Variants in MAPK4 observed in about 807,000 individuals in gnomAD.
The protein encoded by MAPK4 is mitogen-activated protein kinase 4, also known as Erk3-related.
Under a neutral mutation model 47.7 loss-of-function variants are expected in MAPK4, and 22 were observed. The ratio of observed to expected loss-of-function variants is 0.46; its 90% CI spans 0.33 to 0.66. The LOEUF (loss-of-function observed/expected upper bound fraction) is 0.66, where lower values mean the gene tolerates loss of function less well. Ranked by LOEUF, MAPK4 falls within the 30% of genes least tolerant of loss-of-function variation. The probability of loss-of-function intolerance (pLI) is 0.02; values close to 1 mark genes in which losing one functional copy is unlikely to be tolerated. For missense variants in MAPK4, 736 were observed against 831.7 expected, an observed-to-expected ratio of 0.88 and a Z score of 1.42; for synonymous variants, 390 against 365.7, an observed-to-expected ratio of 1.07 and a Z score of -0.76.
At chr18:50,582,756 GC>G (rs1316986694) in intron 1 of MAPK4, among the ~76,000 whole-genome samples, 1 of 152,232 alleles carries the variant, frequency 6.6e-6, no homozygotes, top group Admixed American at 6.5e-5. Flanking sequence ...TCAGCTCCTA[GC>G]TGGATTGAGC....
At chr18:50,593,530 G>A (rs1299357983) in intron 1 of MAPK4, among the ~76,000 whole-genome samples, 4 of 152,182 alleles carry the variant, frequency 2.6e-5, no homozygotes, top group Non-Finnish European at 4.4e-5. Flanking sequence ...GAAGTGGAAC[G>A]AATCCTAAAC....
At chr18:50,685,416 T>C (rs555626610) in intron 2 of MAPK4, among the ~76,000 whole-genome samples, 16 of 152,328 alleles carry the variant, frequency 1.1e-4, no homozygotes, top group Admixed American at 5.2e-4. Flanking sequence ...GATCCTGCAG[T>C]TCCCTTTAAG....
chr18:50,599,755 A>G (rs1023527997), intron 1 of MAPK4, among the ~76,000 whole-genome samples: 1 of 152,168 alleles, frequency 6.6e-6, no homozygotes, highest in Non-Finnish European at 1.5e-5. Context: ...TAATAATTAG[A>G]TACTATAAAT....
chr18:50,575,888 A>G (rs1460394515), intron 1 of MAPK4, among the ~76,000 whole-genome samples: 1 of 152,152 alleles, frequency 6.6e-6, no homozygotes, highest in African/African-American at 2.4e-5. Flanking sequence ...CAAGCATATG[A>G]AAAAAATGCC....
chr18:50,612,964 T>C (rs147734032), intron 1 of MAPK4, among the ~76,000 whole-genome samples: 4 of 152,264 alleles, frequency 2.6e-5, no homozygotes, highest in Non-Finnish European at 5.9e-5. Context: ...CCTGGATGAA[T>C]CTCTGAAAAT....
chr18:50,645,037 G>A (rs1568059698), intron 1 of MAPK4, among the ~76,000 whole-genome samples: 1 of 152,194 alleles, frequency 6.6e-6, no homozygotes, highest in South Asian at 2.1e-4. Context: ...GGAAGGTGAG[G>A]GAGAGCAGAA....
At chr18:50,590,397 A>T (rs1364339488) in intron 1 of MAPK4, among the ~76,000 whole-genome samples, 1 of 152,190 alleles carries the variant, frequency 6.6e-6, no homozygotes, top group Non-Finnish European at 1.5e-5. Flanking sequence ...ATTTGAGCTC[A>T]TTCACTCCTG....
At chr18:50,721,893 AG>A (rs778983651) in intron 3 of MAPK4, 44 bp from the exon 4 acceptor site, 1 of 1,607,546 alleles carries the variant, frequency 6.2e-7, no homozygotes, top group Non-Finnish European at 8.5e-7. Flanking sequence ...TGCACACCAC[AG>A]CCCCTTGGAC....
chr18:50,610,722 AT>A (rs2042625467), intron 1 of MAPK4, among the ~76,000 whole-genome samples: 1 of 152,180 alleles, frequency 6.6e-6, no homozygotes, highest in Non-Finnish European at 1.5e-5. Flanking sequence ...TGATAAAACG[AT>A]GAGACTGAAC....
At chr18:50,562,999 C>G (rs1263125228) in intron 1 of MAPK4, among the ~76,000 whole-genome samples, 2 of 152,134 alleles carry the variant, frequency 1.3e-5, no homozygotes, top group African/African-American at 4.8e-5. Flanking sequence ...ATGGCTTTAT[C>G]CCAGCTTCTT....
At chr18:50,563,315 G>A (rs893789870) in intron 1 of MAPK4, among the ~76,000 whole-genome samples, 7 of 152,198 alleles carry the variant, frequency 4.6e-5, no homozygotes, top group Admixed American at 2.0e-4. Flanking sequence ...GGGAAATAGC[G>A]TTGGCAAAGG....
intron 4 of MAPK4, among the ~76,000 whole-genome samples, chr18:50,723,192 G>C (rs1030747202): frequency 4.6e-5 from 7 of 152,208 alleles, no homozygotes; most frequent in Non-Finnish European, 1.0e-4. Flanking sequence ...CGGGACCCAG[G>C]CCATCAGGTC....
rs559815389 is a variant in MAPK4 at position 50,672,630 on chromosome 18, C to T, written c.546+8126C>T. 9.9e-5 allele frequency among the ~76,000 whole-genome samples: 15 copies of T among 152,206 alleles called. No homozygotes were observed. The East Asian group carries it at 1.7e-3, about 18-fold the overall frequency. ...GAACACCACACCCAGGCCACCCTTCCGGGAAGCAACCCCACTGAGCTTGGG... is the reference window on the plus strand; with the variant it reads ...GAACACCACACCCAGGCCACCCTTCTGGGAAGCAACCCCACTGAGCTTGGG... On this transcript the variant is annotated intron_variant, in intron 2 of 5. Transcript: ENST00000400384.
intron 1 of MAPK4, among the ~76,000 whole-genome samples, chr18:50,656,505 TAAC>T (rs752765041): frequency 1.3e-5 from 2 of 152,200 alleles, no homozygotes; most frequent in Non-Finnish European, 2.9e-5. Flanking sequence ...AGGCTCTTTA[TAAC>T]ATGATCTCAG....
intron 1 of MAPK4, among the ~76,000 whole-genome samples, chr18:50,642,224 C>T (rs976247738): frequency 2.0e-5 from 3 of 152,140 alleles, no homozygotes; most frequent in Non-Finnish European, 2.9e-5. Context: ...CGCAGTTTAG[C>T]TGCTGTTTGC....
At chr18:50,640,782 A>G (rs1211261576) in intron 1 of MAPK4, among the ~76,000 whole-genome samples, 1 of 151,958 alleles carries the variant, frequency 6.6e-6, no homozygotes, top group African/African-American at 2.4e-5. Flanking sequence ...GGCTATTTTC[A>G]TCTTTCATCC....
chr18:50,709,099 C>A (rs1445619976), intron 2 of MAPK4, among the ~76,000 whole-genome samples: 3 of 152,168 alleles, frequency 2.0e-5, no homozygotes, highest in Admixed American at 2.0e-4. Context: ...TGTCTACAGG[C>A]AGCTCTCACG....
chr18:50,582,898 A>C (rs1326161776), intron 1 of MAPK4, among the ~76,000 whole-genome samples: 1 of 152,254 alleles, frequency 6.6e-6, no homozygotes, highest in Non-Finnish European at 1.5e-5. Context: ...GAAAGTCCCA[A>C]GGTCTGAGTC....
chr18:50,714,886 C>A (rs1320597100), intron 2 of MAPK4, among the ~76,000 whole-genome samples, 193 bp from the exon 3 acceptor site: 1 of 152,102 alleles, frequency 6.6e-6, no homozygotes, highest in African/African-American at 2.4e-5. Context: ...AGCATTTCAA[C>A]CCCACAAACC....
Sources: allele counts gnomAD v4.1 joint callset (sites outside exome capture counted in the v4.1 genomes callset), GRCh38; gene constraint gnomAD v4.1.1; transcripts MANE v1.5; gene names NCBI Gene and HGNC (gene_info 2026-07-23, HGNC 2026-07-21).